IFT57: variants seen among roughly 807,000 people sequenced by gnomAD.
The protein encoded by IFT57 is intraflagellar transport 57.
A neutral mutation model predicts 56.8 loss-of-function variants in IFT57; 59 were observed. That is an observed-to-expected ratio of 1.04 (90% CI 0.84 to 1.29). The LOEUF is 1.29. IFT57 is among the 50% of genes most tolerant of loss of function. The pLI is 0.00. For synonymous variants in IFT57, 209 were observed against 186.1 expected, an observed-to-expected ratio of 1.12 and a Z score of -1.00; for missense variants, 470 against 522.1, an observed-to-expected ratio of 0.90 and a Z score of 0.97.
intron 1 of IFT57, among the ~76,000 whole-genome samples, chr3:108,219,852 G>A (rs2080396012): frequency 6.6e-6 from 1 of 152,212 alleles, no homozygotes; most frequent in South Asian, 2.1e-4. Context: ...CACAGAGCAT[G>A]TAGAATTTTT....
At chr3:108,178,336 G>T (rs543553052) in intron 6 of IFT57, among the ~76,000 whole-genome samples, 1 of 151,822 alleles carries the variant, frequency 6.6e-6, no homozygotes, top group East Asian at 1.9e-4. Flanking sequence ...GCTTAAAAAA[G>T]AAAACAGTCT....
At chr3:108,197,279 C>T (rs62267863) in intron 5 of IFT57, among the ~76,000 whole-genome samples, 13,950 of 152,120 alleles carry the variant, frequency 0.092, 706 homozygotes, top group Middle Eastern at 0.12. Context: ...GTGTGGAAAG[C>T]TAAAAGGATT....
chr3:108,220,605 T>C (rs1407402394), intron 1 of IFT57, among the ~76,000 whole-genome samples: 2 of 152,204 alleles, frequency 1.3e-5, no homozygotes, highest in African/African-American at 2.4e-5. Context: ...TATCGGCAGA[T>C]AACTCTTCTA....
intron 1 of IFT57, among the ~76,000 whole-genome samples, chr3:108,220,724 C>T (rs2080401671): frequency 6.6e-6 from 1 of 152,128 alleles, no homozygotes; most frequent in African/African-American, 2.4e-5. Context: ...ATGCTAGGCC[C>T]CATCCCTATA....
At chr3:108,180,866 A>T (rs2080148112) in intron 6 of IFT57, among the ~76,000 whole-genome samples, 1 of 152,156 alleles carries the variant, frequency 6.6e-6, no homozygotes, top group African/African-American at 2.4e-5. Flanking sequence ...TTGCAATCAT[A>T]AAATATTTAG....
At chr3:108,166,744 T>C (rs1429160407) in intron 8 of IFT57, 110 bp downstream of exon 8, 2 of 877,748 alleles carry the variant, frequency 2.3e-6, no homozygotes, top group Non-Finnish European at 3.3e-6. Flanking sequence ...AATTGATGTT[T>C]TGCTGTTCAT....
intron 4 of IFT57, among the ~76,000 whole-genome samples, chr3:108,212,043 C>A (rs1413081727): frequency 6.6e-6 from 1 of 152,102 alleles, no homozygotes; most frequent in Non-Finnish European, 1.5e-5. Flanking sequence ...AGTGGAGTGG[C>A]ATGATCACAG....
Position 108,161,478 on chromosome 3 carries a change from G to A in IFT57, c.*999C>T, listed in dbSNP as rs1008023059. The A allele has an allele frequency of 6.6e-6, 1 of 151,700 alleles. No individual in the cohort carries two copies. Among genetic ancestry groups the A allele is most frequent in the Non-Finnish European group, 1.5e-5 (1 of 67,936 alleles). The allele number at this position is 151,700 out of a possible 1,614,324, so 9.4% of individuals were successfully genotyped here. ...AAAATAACTTTTTAAAATTATTTTT[G>A]TTGTCCTAAACATAAAGCATTCTTA... On this transcript the variant is annotated 3_prime_UTR_variant, in exon 11 of 11. Coordinates refer to ENST00000264538, the MANE Select transcript of IFT57 (RefSeq NM_018010.4).
At chr3:108,166,123 G>A (rs2080061307) in intron 8 of IFT57, among the ~76,000 whole-genome samples, 1 of 151,962 alleles carries the variant, frequency 6.6e-6, no homozygotes, top group Admixed American at 6.6e-5. Context: ...ACTTCTGAAA[G>A]TATAGAAGTA....
chr3:108,206,343 T>C (rs2080314087), intron 5 of IFT57, among the ~76,000 whole-genome samples: 1 of 151,786 alleles, frequency 6.6e-6, no homozygotes, highest in Non-Finnish European at 1.5e-5. Context: ...GAATATTTGA[T>C]GTCTTTTCAT....
At chr3:108,198,605 C>T (rs1020377877) in intron 5 of IFT57, among the ~76,000 whole-genome samples, 3 of 152,044 alleles carry the variant, frequency 2.0e-5, no homozygotes, top group Non-Finnish European at 4.4e-5. Flanking sequence ...CCATGCCTGG[C>T]TGATTTTTGT....
At chr3:108,165,516 T>C (rs768141890) in intron 8 of IFT57, 23 bp from the exon 9 acceptor site, 6 of 1,593,450 alleles carry the variant, frequency 3.8e-6, no homozygotes, top group Non-Finnish European at 4.3e-6. Flanking sequence ...ACATTTTGTT[T>C]AATGGCAAAT....
chr3:108,182,796 T>C (rs62262380), intron 6 of IFT57, among the ~76,000 whole-genome samples: 14,642 of 152,156 alleles, frequency 0.096, 764 homozygotes, highest in Middle Eastern at 0.12. Flanking sequence ...TTTCTTGTAA[T>C]GAATCTGAAG....
At chr3:108,221,555 A>G (rs2080405453) in intron 1 of IFT57, among the ~76,000 whole-genome samples, 1 of 152,198 alleles carries the variant, frequency 6.6e-6, no homozygotes. Flanking sequence ...AGTCTTTTAA[A>G]CCATAGCAAG....
intron 6 of IFT57, among the ~76,000 whole-genome samples, chr3:108,189,869 C>A (rs1016457854): frequency 4.0e-5 from 6 of 151,510 alleles, no homozygotes; most frequent in African/African-American, 1.2e-4. Context: ...ATTCTTACAG[C>A]AAAGTAAACT....
intron 9 of IFT57, 45 bp downstream of exon 9, chr3:108,165,386 G>GC (rs1471030539): frequency 6.6e-7 from 1 of 1,514,534 alleles, no homozygotes; most frequent in Non-Finnish European, 9.2e-7. Flanking sequence ...AATGGCTGGG[G>GC]CCCAGCTGAC....
chr3:108,167,202 AGTCAATTCATTT>A (rs1490464748), intron 7 of IFT57: 2 of 479,276 alleles, frequency 4.2e-6, no homozygotes, highest in Non-Finnish European at 7.4e-6. Flanking sequence ...TGGCAGTGTT[AGTCAATTCATTT>A]GTCATTATAC....
intron 4 of IFT57, among the ~76,000 whole-genome samples, chr3:108,211,345 T>C (rs890935423): frequency 3.2e-4 from 48 of 152,236 alleles, no homozygotes; most frequent in African/African-American, 1.1e-3. Flanking sequence ...TATGAGTACT[T>C]AATTTCTGAG....
At chr3:108,170,445 A>G (rs943227578) in intron 6 of IFT57, among the ~76,000 whole-genome samples, 2 of 152,042 alleles carry the variant, frequency 1.3e-5, no homozygotes, top group Non-Finnish European at 2.9e-5. Context: ...CTTACAAGGG[A>G]TGTGAAGGAC....
Sources: allele counts gnomAD v4.1 joint callset (sites outside exome capture counted in the v4.1 genomes callset), GRCh38; gene constraint gnomAD v4.1.1; transcripts MANE v1.5; gene names NCBI Gene and HGNC (gene_info 2026-07-23, HGNC 2026-07-21).